MACROD2: variants seen among roughly 807,000 people sequenced by gnomAD.
The protein encoded by MACROD2 is ADP-ribose glycohydrolase MACROD2.
MACROD2 carries 36 observed loss-of-function variants against 70.4 expected under a neutral mutation model. The observed-to-expected ratio is 0.51, with a 90% CI of 0.39 to 0.68. The LOEUF (loss-of-function observed/expected upper bound fraction) is 0.68. MACROD2 is among the 30% of genes least tolerant of loss of function. The probability of loss-of-function intolerance (pLI) is 0.00; values close to 1 mark genes in which losing one functional copy is unlikely to be tolerated. For synonymous variants in MACROD2, 172 were observed against 178.8 expected (o/e 0.96, Z 0.30); for missense variants, 496 against 538.4 (o/e 0.92, Z 0.78).
intron 6 of MACROD2, among the ~76,000 whole-genome samples, chr20:15,269,707 T>C (rs1179324738): frequency 2.6e-5 from 4 of 152,184 alleles, no homozygotes; most frequent in Non-Finnish European, 5.9e-5. Flanking sequence ...GACCTTGTCA[T>C]CTTGGGCAGG....
chr20:15,672,430 A>G (rs1421057946), intron 8 of MACROD2, among the ~76,000 whole-genome samples: 1 of 151,804 alleles, frequency 6.6e-6, no homozygotes, highest in East Asian at 1.9e-4. Flanking sequence ...ATAGGAAGTT[A>G]AGTGGCATGT....
chr20:14,005,511 T>C (rs1419281534), intron 2 of MACROD2, among the ~76,000 whole-genome samples: 2 of 152,190 alleles, frequency 1.3e-5, no homozygotes, highest in African/African-American at 4.8e-5. Flanking sequence ...GCACCTGGAA[T>C]GGTGCCTTAT....
intron 8 of MACROD2, among the ~76,000 whole-genome samples, chr20:15,806,376 C>G (rs1459828960): frequency 6.6e-6 from 1 of 152,194 alleles, no homozygotes; most frequent in African/African-American, 2.4e-5. Flanking sequence ...CTTACACTTT[C>G]ACCAGTCCTC....
intron 12 of MACROD2, among the ~76,000 whole-genome samples, chr20:15,945,134 A>C (rs571244613): frequency 6.6e-6 from 1 of 152,342 alleles, no homozygotes; most frequent in South Asian, 2.1e-4. Context: ...CACCTACCTA[A>C]AAAATATTTA....
rs139492551 is a variant in MACROD2, at chr20:15,626,550, G to A, written c.645+126703G>A. On this transcript the variant is annotated intron_variant, in intron 8 of 17. Coordinates refer to ENST00000684519, the MANE Select transcript of MACROD2 (RefSeq NM_001351661.2). ...AGCTAAAAGGTTTATATTATGTTAT[G>A]GAGATTTAGAAAACTGCAAATGGGG... Among the ~76,000 whole-genome samples the A allele has an allele frequency of 6.6e-5, 10 of 152,260 alleles. No homozygotes were observed. The East Asian group carries it at 7.7e-4, about 12-fold the overall frequency.
Position 15,321,615 on chromosome 20 carries a change from A to G in MACROD2, c.540+91554A>G, listed in dbSNP as rs117150903. Among the ~76,000 whole-genome samples, 1,204 of 144,682 alleles carry G rather than the reference A, an allele frequency of 8.3e-3. 200 individuals are homozygous for G. Among genetic ancestry groups the G allele is most frequent in the Middle Eastern group, 0.017 (5 of 286 alleles). 94.9% of individuals were successfully genotyped at this position (144,682 alleles called of 152,430 possible). A position where few individuals can be genotyped will look rare whatever the true frequency, so the allele number is the denominator to read the frequency against. ...TCTCCAAGGAATGTTAATCAGACTA[A>G]TTGCTAATTAGGTGTCCTCCTTGAT... On this transcript the variant is annotated intron_variant, in intron 6 of 17. Coordinates refer to ENST00000684519, the MANE Select transcript of MACROD2 (RefSeq NM_001351661.2).
intron 5 of MACROD2, among the ~76,000 whole-genome samples, chr20:15,106,366 T>C (rs2075910823): frequency 6.6e-6 from 1 of 152,136 alleles, no homozygotes; most frequent in Admixed American, 6.5e-5. Flanking sequence ...AACAAGAAAA[T>C]TATTAGTTTC....
intron 15 of MACROD2, among the ~76,000 whole-genome samples, chr20:16,021,710 A>G (rs962126566): frequency 2.6e-5 from 4 of 152,324 alleles, no homozygotes; most frequent in Non-Finnish European, 4.4e-5. Flanking sequence ...ACTTTTACCT[A>G]TTAGGAACCT....
intron 5 of MACROD2, among the ~76,000 whole-genome samples, chr20:14,967,834 A>C (rs1274957078): frequency 6.6e-6 from 1 of 152,132 alleles, no homozygotes; most frequent in African/African-American, 2.4e-5. Flanking sequence ...CATTTTTAAT[A>C]GTAATTACTA....
chr20:14,872,517 C>A (rs147484129), intron 5 of MACROD2, among the ~76,000 whole-genome samples: 1 of 151,976 alleles, frequency 6.6e-6, no homozygotes, highest in African/African-American at 2.4e-5. Context: ...TCATCATTCA[C>A]GAGGGGAAAA....
chr20:15,412,570 C>T (rs1003526440), intron 6 of MACROD2, among the ~76,000 whole-genome samples: 7 of 152,134 alleles, frequency 4.6e-5, no homozygotes, highest in Admixed American at 1.3e-4. Flanking sequence ...TTGGAGACTC[C>T]GTAGATCCAG....
chr20:15,672,040 A>G (rs965979897), intron 8 of MACROD2, among the ~76,000 whole-genome samples: 10 of 152,194 alleles, frequency 6.6e-5, no homozygotes, highest in Admixed American at 5.9e-4. Context: ...AAACAGACAC[A>G]CAGGATGCTG....
At chr20:15,096,917 T>G (rs1269352297) in intron 5 of MACROD2, among the ~76,000 whole-genome samples, 2 of 149,564 alleles carry the variant, frequency 1.3e-5, no homozygotes, top group Non-Finnish European at 3.0e-5. Flanking sequence ...GTTCAAGCAA[T>G]TATCTTACCT....
intron 15 of MACROD2, among the ~76,000 whole-genome samples, chr20:16,016,038 T>A (rs953479414): frequency 3.9e-5 from 6 of 152,110 alleles, no homozygotes; most frequent in Non-Finnish European, 8.8e-5. Context: ...AGATGACTTT[T>A]CCATTGTCAC....
intron 3 of MACROD2, among the ~76,000 whole-genome samples, chr20:14,298,322 C>T (rs1473590959): frequency 6.6e-6 from 1 of 151,768 alleles, no homozygotes; most frequent in Non-Finnish European, 1.5e-5. Flanking sequence ...AATCCCAGCA[C>T]TTTGGGAGGC....
At chr20:14,578,118 G>T in intron 4 of MACROD2, among the ~76,000 whole-genome samples, 1 of 151,402 alleles carries the variant, frequency 6.6e-6, no homozygotes, top group African/African-American at 2.4e-5. Flanking sequence ...GCTCTTCCAA[G>T]AGGAAAGAGA....
intron 3 of MACROD2, among the ~76,000 whole-genome samples, chr20:14,176,919 A>G (rs764827820): frequency 5.3e-5 from 8 of 152,232 alleles, no homozygotes; most frequent in Non-Finnish European, 1.2e-4. Flanking sequence ...GCTTAAATCA[A>G]TAACCATTCC....
rs376018621 is a variant in MACROD2 at position 15,740,063 on chromosome 20, T to C, written c.646-122682T>C. Among the ~76,000 whole-genome samples, 98 of 152,324 alleles carry C rather than the reference T, an allele frequency of 6.4e-4. 1 individual carries two copies. The highest frequency in any genetic ancestry group is 2.2e-3 in the African/African-American group (91 of 41,566). ...ACTTCAGGTCACATTCCAATGTAGATTGACATGGGAGCTCTGCTGCACACA... is the reference window on the plus strand; with the variant it reads ...ACTTCAGGTCACATTCCAATGTAGACTGACATGGGAGCTCTGCTGCACACA... On this transcript the variant is annotated intron_variant, in intron 8 of 17. Transcript: ENST00000684519.
intron 10 of MACROD2, among the ~76,000 whole-genome samples, chr20:15,923,262 C>T (rs1184950135): frequency 6.6e-6 from 1 of 152,146 alleles, no homozygotes; most frequent in Non-Finnish European, 1.5e-5. Context: ...GCCTCAGACT[C>T]ATGGCGGGAA....
Sources: gnomAD v4.1 joint callset for allele counts (sites outside exome capture counted in the v4.1 genomes callset) on GRCh38, gnomAD v4.1.1 for gene constraint, MANE v1.5 for transcripts, NCBI Gene and HGNC (gene_info 2026-07-23, HGNC 2026-07-21) for gene names.